The following MAP3K7CL variants were observed in gnomAD, a reference collection of about 807,000 sequenced individuals.
MAP3K7CL encodes the protein MAP3K7 C-terminal-like protein.
In MAP3K7CL, 16 loss-of-function variants were observed where a neutral mutation model predicts 18.6. The observed-to-expected ratio is 0.86, with a 90% CI of 0.58 to 1.31. MAP3K7CL has a LOEUF of 1.31. Among genes scored for constraint, MAP3K7CL ranks in the 50% most tolerant of loss-of-function variants. The probability of loss-of-function intolerance (pLI) is 0.00; values close to 1 mark genes in which losing one functional copy is unlikely to be tolerated. For missense variants in MAP3K7CL, 163 were observed against 174.4 expected (o/e 0.93, Z 0.37); for synonymous variants, 65 against 66.8 (o/e 0.97, Z 0.13).
intron 2 of MAP3K7CL, among the ~76,000 whole-genome samples, chr21:29,134,654 C>T (rs906558949): frequency 2.0e-5 from 3 of 152,204 alleles, no homozygotes; most frequent in South Asian, 2.1e-4. Flanking sequence ...AAGAAATCCT[C>T]CCAACAGGCA....
chr21:29,128,892 A>T (rs1409652011), upstream of MAP3K7CL, among the ~76,000 whole-genome samples: 1 of 152,248 alleles, frequency 6.6e-6, no homozygotes, highest in Non-Finnish European at 1.5e-5. Flanking sequence ...ATAAAATAAT[A>T]TTAAAACAGT....
intron 3 of MAP3K7CL, among the ~76,000 whole-genome samples, chr21:29,157,355 T>G (rs758193556): frequency 1.8e-4 from 27 of 152,196 alleles, no homozygotes; most frequent in Non-Finnish European, 3.5e-4. Flanking sequence ...ACCTTCCTCT[T>G]TACTTAAAAA....
At chr21:29,118,024 C>G (rs1051814943) in intron 4 of MAP3K7CL, among the ~76,000 whole-genome samples, 1 of 151,306 alleles carries the variant, frequency 6.6e-6, no homozygotes, top group Non-Finnish European at 1.5e-5. Context: ...CAGGGACTGG[C>G]TCCACCTACT....
chr21:29,090,420 G>A lies in MAP3K7CL; in HGVS notation c.58-1081G>A, dbSNP rs1376424979. ...TTTTGAGACAGAGGCTCACTCTGTC[G>A]CCCAGGCTGGAGTGCAGTGGTGCAA... is the stretch of plus-strand genomic sequence containing the variant. On this transcript the variant is annotated intron_variant, in intron 1 of 6. Transcript: ENST00000286791. Among the ~76,000 whole-genome samples, 4 of 151,724 alleles carry A rather than the reference G, an allele frequency of 2.6e-5. No homozygotes were observed. In the South Asian group the frequency reaches 6.2e-4, roughly 24 times the overall value.
intron 4 of MAP3K7CL, among the ~76,000 whole-genome samples, chr21:29,172,224 G>A (rs1601286669): frequency 1.4e-5 from 2 of 140,956 alleles, no homozygotes. Context: ...ATAGCACATT[G>A]CCTGTGTTGT....
chr21:29,085,685 A>G, upstream of MAP3K7CL: 4 of 557,046 alleles, frequency 7.2e-6, no homozygotes, highest in Non-Finnish European at 1.3e-5. Context: ...CGTTCTCCCC[A>G]ATATTGTATG....
chr21:29,095,693 G>C (rs567825584), intron 4 of MAP3K7CL, among the ~76,000 whole-genome samples: 4 of 152,194 alleles, frequency 2.6e-5, no homozygotes, highest in Non-Finnish European at 5.9e-5. Context: ...GTTGAGAACT[G>C]TACATGGTAA....
At chr21:29,135,829 T>A (rs1159740181) in intron 2 of MAP3K7CL, among the ~76,000 whole-genome samples, 2 of 152,184 alleles carry the variant, frequency 1.3e-5, no homozygotes, top group Non-Finnish European at 2.9e-5. Context: ...TAATTTATTT[T>A]AAATTATTCC....
At chr21:29,109,473 G>T in intron 4 of MAP3K7CL, 1 of 1,150,556 alleles carries the variant, frequency 8.7e-7, no homozygotes, top group Non-Finnish European at 1.1e-6. Context: ...TCAGCATTCG[G>T]TTGTTCTCTT....
At chr21:29,137,530 A>G (rs534590184) in intron 2 of MAP3K7CL, among the ~76,000 whole-genome samples, 16 of 152,314 alleles carry the variant, frequency 1.1e-4, no homozygotes, top group African/African-American at 3.6e-4. Flanking sequence ...ATTCCTGGGT[A>G]CTAGATACAA....
intron 4 of MAP3K7CL, among the ~76,000 whole-genome samples, chr21:29,098,789 AAGG>A (rs3054219): frequency 0.25 from 37,305 of 151,988 alleles, 4,632 homozygotes; most frequent in African/African-American, 0.28. Context: ...TTAAGCACTG[AAGG>A]AGATTTGTTA....
At chr21:29,124,353 C>CAAAAAAAAAAAAAAAAAAAA (rs59499297) in intron 4 of MAP3K7CL, among the ~76,000 whole-genome samples, 1 of 78,610 alleles carries the variant, frequency 1.3e-5, no homozygotes, top group Non-Finnish European at 2.4e-5. Flanking sequence ...GACTCCGTCT[C>CAAAAAAAAAAAAAAAAAAAA]AAAAAAAAAA....
intron 1 of MAP3K7CL, among the ~76,000 whole-genome samples, chr21:29,131,786 A>G (rs770661495): frequency 2.6e-5 from 4 of 152,070 alleles, no homozygotes; most frequent in Non-Finnish European, 4.4e-5. Flanking sequence ...GGGTAAGATG[A>G]TTCCATATGT....
chr21:29,162,468 G>C (rs1319723130), intron 4 of MAP3K7CL, among the ~76,000 whole-genome samples: 1 of 151,914 alleles, frequency 6.6e-6, no homozygotes, highest in African/African-American at 2.4e-5. Flanking sequence ...GATCACCTGA[G>C]GTCAGGAGTT....
chr21:29,155,537 C>T (rs1209198887), intron 3 of MAP3K7CL, among the ~76,000 whole-genome samples: 2 of 152,096 alleles, frequency 1.3e-5, no homozygotes, highest in Admixed American at 6.5e-5. Flanking sequence ...TGCTATGAAC[C>T]GGCAAGCTCA....
At chr21:29,157,111 T>A (rs571140991) in intron 3 of MAP3K7CL, among the ~76,000 whole-genome samples, 4 of 152,294 alleles carry the variant, frequency 2.6e-5, no homozygotes, top group Admixed American at 2.6e-4. Context: ...TTGCATTGAT[T>A]TTTTTCTTAT....
rs756387910 is a variant in MAP3K7CL at position 29,091,673 on chromosome 21, G to T, written c.139G>T (p.Glu47Ter). 1.4e-6 allele frequency: 1 copy of T among 702,088 alleles called. No individual in the cohort carries two copies. Among genetic ancestry groups the T allele is most frequent in the Non-Finnish European group, 2.6e-6 (1 of 384,900 alleles). 43.5% of individuals were successfully genotyped at this position (702,088 alleles called of 1,614,324 possible). A position where few individuals can be genotyped will look rare whatever the true frequency, so the allele number is the denominator to read the frequency against. The stretch of plus-strand genomic sequence containing the variant: ...TCTTTCTTTTTTTTTCATAGAGATG[G>T]AGTCTCGCTATTTTGCCCAGGTTGG... Residue 47 changes from glutamate to a stop codon, truncating the protein, a stop_gained, in exon 3 of 7, where the codon GAG becomes TAG. Coordinates refer to the MAP3K7CL transcript ENST00000286791. LOFTEE classifies it high-confidence loss of function.
At chr21:29,090,956 T>C (rs1216756871) in intron 1 of MAP3K7CL, among the ~76,000 whole-genome samples, 1 of 152,234 alleles carries the variant, frequency 6.6e-6, no homozygotes, top group African/African-American at 2.4e-5. Context: ...TAAAATATTT[T>C]ATTTACTCCA....
chr21:29,098,026 T>A (rs1403836498), intron 4 of MAP3K7CL, among the ~76,000 whole-genome samples: 1 of 152,176 alleles, frequency 6.6e-6, no homozygotes, highest in Admixed American at 6.5e-5. Flanking sequence ...GAATTAATTA[T>A]AATTAAATAA....
Sources: gnomAD v4.1 joint callset for allele counts (sites outside exome capture counted in the v4.1 genomes callset) on GRCh38, gnomAD v4.1.1 for gene constraint, MANE v1.5 for transcripts, NCBI Gene and HGNC (gene_info 2026-07-23, HGNC 2026-07-21) for gene names.